Variants in CACNA1C observed in about 807,000 individuals in gnomAD.
CACNA1C encodes voltage-dependent L-type calcium channel subunit alpha-1C.
A neutral mutation model predicts 229.0 loss-of-function variants in CACNA1C; 30 were observed. The ratio of observed to expected loss-of-function variants is 0.13; its 90% confidence interval spans 0.10 to 0.18. The LOEUF is 0.18. Among genes scored for constraint, CACNA1C ranks in the 10% least tolerant of loss-of-function variants. The probability of loss-of-function intolerance (pLI) is 1.00; values close to 1 mark genes in which losing one functional copy is unlikely to be tolerated. For missense variants in CACNA1C, 1,658 were observed against 2,845.0 expected, an observed-to-expected ratio of 0.58 and a Z score of 9.49; for synonymous variants, 1,114 against 1,132.5, an observed-to-expected ratio of 0.98 and a Z score of 0.33.
At chr12:2,610,512 A>G (rs1380210641) in intron 27 of CACNA1C, 29 bp from the exon 28 acceptor site, 1 of 1,593,868 alleles carries the variant, frequency 6.3e-7, no homozygotes, top group African/African-American at 1.3e-5. Flanking sequence ...AACTAACCCC[A>G]CTCTCCCCAT....
chr12:2,378,779 GTCCT>G (rs146245294), intron 3 of CACNA1C, among the ~76,000 whole-genome samples: 33,769 of 143,878 alleles, frequency 0.23, 4,554 homozygotes, highest in Admixed American at 0.33. Flanking sequence ...GTTTATTTGG[GTCCT>G]TCCTTCCTTC....
At chr12:2,593,012 C>T (rs908929136) in intron 18 of CACNA1C, among the ~76,000 whole-genome samples, 5 of 152,142 alleles carry the variant, frequency 3.3e-5, no homozygotes, top group Non-Finnish European at 7.4e-5. Context: ...TACAATCCCC[C>T]TTATTGTGCA....
chr12:2,527,822 G>T (rs979247923), intron 9 of CACNA1C, among the ~76,000 whole-genome samples: 2 of 152,134 alleles, frequency 1.3e-5, no homozygotes, highest in Non-Finnish European at 2.9e-5. Context: ...TCAGTGGTGG[G>T]TCCCAGCCCC....
Position 2,666,904 on chromosome 12 carries a change from G to T in CACNA1C, c.4623+122G>T. ...ATGTGCCTAAAGATTACATTTTAAG[G>T]GTCCTTCCAGCTCTAAATTCTCAGA... is the stretch of plus-strand genomic sequence containing the variant. On this transcript the variant is annotated intron_variant, in intron 37 of 46. Transcript: ENST00000399655. This position sits in a 1 kb window ranked among gnomAD's most constrained non-coding sequence, Gnocchi z 5.3. The T allele has an allele frequency of 1.5e-6, 1 of 685,026 alleles. No individual in the cohort carries two copies. Among genetic ancestry groups the T allele is most frequent in the South Asian group, 1.6e-5 (1 of 61,110 alleles). The allele number at this position is 685,026 out of a possible 1,614,324, so 42.4% of individuals were successfully genotyped here.
intron 3 of CACNA1C, among the ~76,000 whole-genome samples, chr12:2,421,043 G>T (rs1414667570): frequency 6.6e-6 from 1 of 152,188 alleles, no homozygotes; most frequent in Non-Finnish European, 1.5e-5. Flanking sequence ...GACTAACTAA[G>T]TTGAAGTCTC....
chr12:2,277,215 A>G (rs2088715943), intron 3 of CACNA1C, among the ~76,000 whole-genome samples: 1 of 152,136 alleles, frequency 6.6e-6, no homozygotes, highest in Non-Finnish European at 1.5e-5. Context: ...ACACAGGGTC[A>G]GGGGCCCCGT....
chr12:2,591,882 T>A (rs1305848731), intron 18 of CACNA1C, among the ~76,000 whole-genome samples: 2 of 152,218 alleles, frequency 1.3e-5, no homozygotes, highest in Admixed American at 6.5e-5. Context: ...AGTCCTTGGC[T>A]TGTAGATGCA....
intron 3 of CACNA1C, among the ~76,000 whole-genome samples, chr12:2,353,854 G>A (rs1456632867): frequency 6.6e-6 from 1 of 152,200 alleles, no homozygotes; most frequent in Non-Finnish European, 1.5e-5. Context: ...AGGGGAAGGA[G>A]ATCAGGGCGG....
chr12:2,397,531 TTGA>T (rs944318856), intron 3 of CACNA1C, among the ~76,000 whole-genome samples: 1 of 152,254 alleles, frequency 6.6e-6, no homozygotes, highest in Non-Finnish European at 1.5e-5. Flanking sequence ...TTGCTCTTGA[TTGA>T]CTGGGTGGCC....
At chr12:2,314,408 A>G (rs1322547643) in intron 3 of CACNA1C, among the ~76,000 whole-genome samples, 2 of 152,228 alleles carry the variant, frequency 1.3e-5, no homozygotes, top group Non-Finnish European at 1.5e-5. Flanking sequence ...TTGTGAGTGC[A>G]CAGCATGAAT....
At chr12:2,471,734 G>C (rs1343923112) in intron 5 of CACNA1C, among the ~76,000 whole-genome samples, 1 of 151,996 alleles carries the variant, frequency 6.6e-6, no homozygotes, top group Non-Finnish European at 1.5e-5. Flanking sequence ...CCAGACTGGA[G>C]TGCAGTGGCA....
Position 2,597,348 on chromosome 12 carries a change from G to A in CACNA1C, c.2853+59G>A. 1 of 1,511,244 alleles carries A rather than the reference G, an allele frequency of 6.6e-7. No homozygotes were observed. Among genetic ancestry groups the A allele is most frequent in the Non-Finnish European group, 9.2e-7 (1 of 1,086,376 alleles). The allele number at this position is 1,511,244 out of a possible 1,614,324, so 93.6% of individuals were successfully genotyped here. Reference sequence around the variant, plus strand: ...CCCCTTGTGCCAGCACCAGGTCTCTGCCGCTGTCTGTCGCTAACACACATG... The same window carrying A: ...CCCCTTGTGCCAGCACCAGGTCTCTACCGCTGTCTGTCGCTAACACACATG... On this transcript the variant is annotated intron_variant, in intron 21 of 46. Coordinates refer to ENST00000399655, the MANE Select transcript of CACNA1C (RefSeq NM_000719.7). The surrounding 1 kb of genome is among the most constrained non-coding windows in gnomAD (Gnocchi z 4.3).
intron 9 of CACNA1C, among the ~76,000 whole-genome samples, chr12:2,539,823 G>A (rs1341970776): frequency 1.5e-5 from 2 of 130,436 alleles, no homozygotes; most frequent in Admixed American, 7.6e-5. Flanking sequence ...AAGGACTTAA[G>A]GAGGGCTTCA....
At chr12:2,364,299 G>A (rs1312167112) in intron 3 of CACNA1C, among the ~76,000 whole-genome samples, 2 of 152,150 alleles carry the variant, frequency 1.3e-5, no homozygotes, top group African/African-American at 2.4e-5. Context: ...TTTTACAGGC[G>A]TCTCTGAGAG....
In CACNA1C at chr12:2,053,448, A is replaced by C; in HGVS notation, c.-115A>C. On this transcript the variant is annotated 5_prime_UTR_variant, in exon 1 of 47. Coordinates refer to ENST00000399655, the MANE Select transcript of CACNA1C (RefSeq NM_000719.7). The surrounding 1 kb of genome is among the most constrained non-coding windows in gnomAD (Gnocchi z 5.8). Reference sequence around the variant, plus strand: ...ACGCTGCAGACCACGGCTTCCTCGAATCTTGCGCGAAAGCCGCCGGCCTCG... The same window carrying C: ...ACGCTGCAGACCACGGCTTCCTCGACTCTTGCGCGAAAGCCGCCGGCCTCG... 1 of 1,475,328 alleles carries C rather than the reference A, an allele frequency of 6.8e-7. No individual in the cohort carries two copies. The highest frequency in any genetic ancestry group is 9.0e-7 in the Non-Finnish European group (1 of 1,105,492). 91.4% of individuals were successfully genotyped at this position (1,475,328 alleles called of 1,614,324 possible).
At chr12:2,494,863 G>A (rs1020767317) in intron 7 of CACNA1C, among the ~76,000 whole-genome samples, 3 of 152,122 alleles carry the variant, frequency 2.0e-5, no homozygotes, top group Non-Finnish European at 2.9e-5. Flanking sequence ...AAACTTGCCC[G>A]AGGACCTTGT....
intron 3 of CACNA1C, among the ~76,000 whole-genome samples, chr12:2,382,105 A>G (rs977149154): frequency 1.3e-5 from 2 of 152,228 alleles, no homozygotes; most frequent in Admixed American, 1.3e-4. Flanking sequence ...GAACTTGGAG[A>G]ATAACTGGAT....
chr12:2,482,899 G>A (rs1483754624), intron 5 of CACNA1C, among the ~76,000 whole-genome samples: 2 of 152,196 alleles, frequency 1.3e-5, no homozygotes, highest in African/African-American at 2.4e-5. Flanking sequence ...AATCACTGAC[G>A]TTACCCTCCT....
chr12:2,127,422 G>T (rs1328542340), intron 3 of CACNA1C, among the ~76,000 whole-genome samples: 1 of 152,200 alleles, frequency 6.6e-6, no homozygotes, highest in Non-Finnish European at 1.5e-5. Flanking sequence ...CAACAATAAT[G>T]ATGACAATGA....
Sources: allele counts gnomAD v4.1 joint callset (sites outside exome capture counted in the v4.1 genomes callset), GRCh38; gene constraint gnomAD v4.1.1; non-coding constraint Gnocchi (gnomAD v3.1); transcripts MANE v1.5; gene names NCBI Gene and HGNC (gene_info 2026-07-23, HGNC 2026-07-21).